Variants in CORO1C observed in about 807,000 individuals in gnomAD.
CORO1C encodes the protein coronin 1C, also known as coronin-1C.
Under a neutral mutation model 51.2 loss-of-function variants are expected in CORO1C, and 14 were observed. The ratio of observed to expected loss-of-function variants is 0.27; its 90% CI spans 0.18 to 0.43. CORO1C has a LOEUF of 0.43. Ranked by LOEUF, CORO1C falls within the 20% of genes least tolerant of loss-of-function variation. The pLI is 1.00. For missense variants in CORO1C, 417 were observed against 607.8 expected (o/e 0.69, Z 3.30); for synonymous variants, 181 against 210.5 (o/e 0.86, Z 1.21).
intron 3 of CORO1C, among the ~76,000 whole-genome samples, chr12:108,671,694 C>T (rs1303883831): frequency 6.6e-6 from 1 of 152,028 alleles, no homozygotes; most frequent in African/African-American, 2.4e-5. Context: ...ACAGCAACAC[C>T]TATGCCAAAA....
intron 2 of CORO1C, among the ~76,000 whole-genome samples, chr12:108,680,280 A>G (rs2034077587): frequency 6.6e-6 from 1 of 152,170 alleles, no homozygotes. Flanking sequence ...TGGGAAAGGT[A>G]AGTTCTAAGT....
chr12:108,678,975 G>A (rs1344308834), intron 2 of CORO1C, among the ~76,000 whole-genome samples: 1 of 151,248 alleles, frequency 6.6e-6, no homozygotes, highest in Non-Finnish European at 1.5e-5. Flanking sequence ...GCTGGTCGTG[G>A]TGGTGTGCGC....
At chr12:108,730,116 T>C (rs1333121396) in intron 1 of CORO1C, 1 of 152,246 alleles carries the variant, frequency 6.6e-6, no homozygotes, top group Non-Finnish European at 1.5e-5. Flanking sequence ...TCAAATGTCT[T>C]ATAGGAGGGA....
intron 3 of CORO1C, among the ~76,000 whole-genome samples, chr12:108,671,838 A>G (rs2033730753): frequency 6.6e-6 from 1 of 152,118 alleles, no homozygotes; most frequent in Non-Finnish European, 1.5e-5. Flanking sequence ...TCACGGCTCA[A>G]TGCAGCCTTG....
At chr12:108,657,596 T>C (rs1254763826) in intron 5 of CORO1C, among the ~76,000 whole-genome samples, 173 bp from the exon 6 acceptor site, 1 of 152,146 alleles carries the variant, frequency 6.6e-6, no homozygotes, top group East Asian at 1.9e-4. Context: ...AGAGATACTA[T>C]GTGATCTGGT....
At chr12:108,671,196 C>T (rs2136824173) in intron 3 of CORO1C, among the ~76,000 whole-genome samples, 1 of 151,842 alleles carries the variant, frequency 6.6e-6, no homozygotes, top group South Asian at 2.1e-4. Flanking sequence ...ATTAGCTGGG[C>T]ATGGTGGTGA....
chr12:108,687,834 T>C (rs191628437), intron 2 of CORO1C, among the ~76,000 whole-genome samples: 11 of 151,862 alleles, frequency 7.2e-5, no homozygotes, highest in Non-Finnish European at 1.6e-4. Flanking sequence ...AAAGAAGAAA[T>C]GATATTGCTT....
At chr12:108,659,340 A>G (rs952465388) in intron 4 of CORO1C, among the ~76,000 whole-genome samples, 1 of 152,218 alleles carries the variant, frequency 6.6e-6, no homozygotes, top group African/African-American at 2.4e-5. Flanking sequence ...CAGCTTTGGG[A>G]GACCCCTATT....
intron 2 of CORO1C, among the ~76,000 whole-genome samples, chr12:108,691,382 T>C (rs2034489989): frequency 6.6e-6 from 1 of 152,200 alleles, no homozygotes. Flanking sequence ...ACTCCAGAAA[T>C]GTGTTCATGA....
chr12:108,694,706 T>C (rs2136856910), intron 2 of CORO1C, among the ~76,000 whole-genome samples: 1 of 152,352 alleles, frequency 6.6e-6, no homozygotes, highest in South Asian at 2.1e-4. Context: ...CATATAGCTT[T>C]CTCTTGCTAT....
chr12:108,647,435 A>T lies in CORO1C; in HGVS notation c.1393T>A (p.Leu465Ile), dbSNP rs1390519594. The T allele has an allele frequency of 1.2e-6, 2 of 1,613,816 alleles. No individual in the cohort carries two copies. Among genetic ancestry groups the T allele is most frequent in the African/African-American group, 2.7e-5 (2 of 75,002 alleles). The part of the protein sequence containing the change: ...ICNQDERISK[L>I]EQQMAKIAA ...GCTATCTTTGCCATCTGCTGTTCTAACTTGGAAATACGCTCATCTTGATTG... is the reference window on the plus strand; with the variant it reads ...GCTATCTTTGCCATCTGCTGTTCTATCTTGGAAATACGCTCATCTTGATTG... The change falls in exon 11 of 11, where the codon TTA (leucine) becomes ATA (isoleucine). Residue 465 changes from leucine to isoleucine, a missense_variant. Transcript: ENST00000261401.
intron 2 of CORO1C, among the ~76,000 whole-genome samples, chr12:108,695,748 A>G (rs1202701699): frequency 2.6e-5 from 4 of 151,852 alleles, no homozygotes; most frequent in East Asian, 3.9e-4. Context: ...CCTAGGTTCT[A>G]TAAGAAATTA....
At chr12:108,669,876 A>C (rs2033647655) in intron 3 of CORO1C, among the ~76,000 whole-genome samples, 1 of 152,206 alleles carries the variant, frequency 6.6e-6, no homozygotes, top group Non-Finnish European at 1.5e-5. Flanking sequence ...TCCAATAATA[A>C]CATGATATAG....
chr12:108,718,246 G>A (rs1052213002), intron 1 of CORO1C, among the ~76,000 whole-genome samples: 11 of 152,062 alleles, frequency 7.2e-5, no homozygotes, highest in African/African-American at 1.4e-4. Context: ...CCAGCTACTC[G>A]GGAGGCTGAG....
chr12:108,659,436 T>C (rs75258935), intron 4 of CORO1C, among the ~76,000 whole-genome samples: 1 of 152,156 alleles, frequency 6.6e-6, no homozygotes, highest in Admixed American at 6.5e-5. Context: ...AGAACATATA[T>C]AAACAAAAGG....
intron 2 of CORO1C, 58 bp downstream of exon 2, chr12:108,701,066 G>A (rs2034852260): frequency 6.4e-7 from 1 of 1,565,992 alleles, no homozygotes; most frequent in Admixed American, 1.7e-5. Context: ...ATCTATTAAG[G>A]AAAAAGTATG....
At chr12:108,688,163 A>C (rs946868088) in intron 2 of CORO1C, among the ~76,000 whole-genome samples, 26 of 151,984 alleles carry the variant, frequency 1.7e-4, no homozygotes, top group African/African-American at 6.3e-4. Context: ...TGCCCACCTC[A>C]GCCTCCCAAA....
At chr12:108,729,049 AAT>A (rs2035655322) in intron 1 of CORO1C, among the ~76,000 whole-genome samples, 1 of 152,228 alleles carries the variant, frequency 6.6e-6, no homozygotes, top group South Asian at 2.1e-4. Context: ...GACAAATCAA[AAT>A]ATGAGAAATT....
intron 2 of CORO1C, among the ~76,000 whole-genome samples, chr12:108,690,364 G>A (rs1392725082): frequency 6.6e-6 from 1 of 152,198 alleles, no homozygotes; most frequent in African/African-American, 2.4e-5. Flanking sequence ...AAGCTGCTGG[G>A]GAGAGGGAGT....
Sources: allele counts gnomAD v4.1 joint callset (sites outside exome capture counted in the v4.1 genomes callset), GRCh38; gene constraint gnomAD v4.1.1; transcripts MANE v1.5; gene names NCBI Gene and HGNC (gene_info 2026-07-23, HGNC 2026-07-21).